The following UPF3B variants were observed in gnomAD, a reference collection of about 807,000 sequenced individuals.
The protein encoded by UPF3B is regulator of nonsense transcripts 3B.
A neutral mutation model predicts 40.3 loss-of-function variants in UPF3B; 7 were observed. The observed-to-expected ratio is 0.17, with a 90% confidence interval of 0.10 to 0.33. The LOEUF (loss-of-function observed/expected upper bound fraction) is 0.33. Among genes scored for constraint, UPF3B ranks in the 10% least tolerant of loss-of-function variants. The probability of loss-of-function intolerance (pLI) is 1.00; values close to 1 mark genes in which losing one functional copy is unlikely to be tolerated. For synonymous variants in UPF3B, 117 were observed against 117.3 expected, an observed-to-expected ratio of 1.00 and a Z score of 0.01; for missense variants, 229 against 358.9, an observed-to-expected ratio of 0.64 and a Z score of 2.93.
At chrX:119,848,819 G>A (rs2056266309) in intron 3 of UPF3B, among the ~76,000 whole-genome samples, 1 of 111,603 alleles carries the variant, frequency 9.0e-6, no homozygotes, top group African/African-American at 3.3e-5. Context: ...AGGGGCTGGA[G>A]GGAGAGAATG....
At chrX:119,807,283 T>G (rs1220804841) in intron 6 of UPF3B, among the ~76,000 whole-genome samples, 2 of 111,685 alleles carry the variant, frequency 1.8e-5, no homozygotes, top group African/African-American at 6.5e-5. Context: ...GATTCCTGCT[T>G]TGACACAAGA....
chrX:119,847,515 C>T (rs1056483966), intron 3 of UPF3B, among the ~76,000 whole-genome samples: 5 of 111,232 alleles, frequency 4.5e-5, no homozygotes, highest in African/African-American at 1.3e-4. Flanking sequence ...CCTGTAACCT[C>T]AGCACTTTGA....
At chrX:119,818,690 C>G (rs1470957303) in intron 4 of UPF3B, among the ~76,000 whole-genome samples, 1 of 112,296 alleles carries the variant, frequency 8.9e-6, no homozygotes, top group Admixed American at 9.5e-5. Context: ...GGTGCCAAAA[C>G]CAGATCAGCT....
intron 3 of UPF3B, among the ~76,000 whole-genome samples, chrX:119,826,506 A>G (rs959320780): frequency 9.0e-6 from 1 of 111,373 alleles, no homozygotes; most frequent in Non-Finnish European, 1.9e-5. Flanking sequence ...TAAACAGCAG[A>G]AACAACAGCC....
intron 3 of UPF3B, among the ~76,000 whole-genome samples, chrX:119,826,720 A>G (rs768150488): frequency 8.9e-6 from 1 of 112,396 alleles, no homozygotes; most frequent in Non-Finnish European, 1.9e-5. Context: ...TGTCAAAAAC[A>G]GCAATGACTT....
At chrX:119,852,690 AAGGGGGCAGCC>A (rs1163320301) in intron 1 of UPF3B, 72 bp downstream of exon 1, 9 of 1,177,769 alleles carry the variant, frequency 7.6e-6, no homozygotes, top group Non-Finnish European at 1.0e-5. Flanking sequence ...CTGAGAAAGA[AAGGGGGCAGCC>A]CCATTCCCAG....
intron 3 of UPF3B, among the ~76,000 whole-genome samples, chrX:119,847,825 G>A (rs897862596): frequency 1.1e-4 from 12 of 110,591 alleles, no homozygotes; most frequent in African/African-American, 3.3e-4. Flanking sequence ...TCCATTTCTC[G>A]GTATATATCC....
chrX:119,850,070 G>GA (rs67851247), intron 3 of UPF3B, among the ~76,000 whole-genome samples: 2 of 105,863 alleles, frequency 1.9e-5, no homozygotes, highest in Non-Finnish European at 3.9e-5. Flanking sequence ...TGGGGGGGGG[G>GA]AAATCACTTG....
chrX:119,838,264 C>T, intron 9 of UPF3B, 103 bp downstream of exon 9: 1 of 984,138 alleles, frequency 1.0e-6, no homozygotes, highest in Admixed American at 2.3e-5. Context: ...CATCCCCCTG[C>T]CCTGCATAAA....
At chrX:119,814,176 T>A (rs766635134) in intron 5 of UPF3B, among the ~76,000 whole-genome samples, 1 of 111,838 alleles carries the variant, frequency 8.9e-6, no homozygotes, top group Non-Finnish European at 1.9e-5. Context: ...AGTTGCTATT[T>A]AACAGGAATA....
intron 5 of UPF3B, among the ~76,000 whole-genome samples, chrX:119,808,778 G>C (rs953359712): frequency 8.9e-6 from 1 of 111,845 alleles, no homozygotes; most frequent in Non-Finnish European, 1.9e-5. Flanking sequence ...TGGTGGTTCA[G>C]GAGAATGGCT....
chrX:119,817,569 A>C (rs1443649833), intron 4 of UPF3B, among the ~76,000 whole-genome samples: 1 of 112,092 alleles, frequency 8.9e-6, no homozygotes, highest in Non-Finnish European at 1.9e-5. Context: ...AATCATATCA[A>C]CAGTCATATG....
At chrX:119,843,137 G>T in intron 5 of UPF3B, 54 bp downstream of exon 5, 2 of 813,798 alleles carry the variant, frequency 2.5e-6, no homozygotes, top group South Asian at 2.0e-5. Context: ...GGAGGTAGGA[G>T]ACTTAGGTAC....
chrX:119,814,481 A>C (rs1786699171), intron 5 of UPF3B, among the ~76,000 whole-genome samples: 1 of 112,339 alleles, frequency 8.9e-6, no homozygotes, highest in South Asian at 3.7e-4. Flanking sequence ...TTGTACTACA[A>C]GGACATGCTT....
intron 6 of UPF3B, among the ~76,000 whole-genome samples, chrX:119,806,451 T>C (rs1193330710): frequency 9.3e-6 from 1 of 106,958 alleles, no homozygotes; most frequent in African/African-American, 3.4e-5. Flanking sequence ...ACCTGCACAA[T>C]GTGCACATGT....
chrX:119,807,439 C>T, intron 6 of UPF3B: 1 of 874,486 alleles, frequency 1.1e-6, no homozygotes, highest in Non-Finnish European at 1.5e-6. Context: ...CTTAACACTC[C>T]CTTCCTCCTT....
In UPF3B at chrX:119,837,532, C is replaced by T. The variant is rs777413309; in HGVS notation, c.1302+225G>A. ...TTGGGAGGCTGAAGCAGAAGAATGG[C>T]GTGAACCCAGGAGGCGGAGCTTGCA... is the stretch of plus-strand genomic sequence containing the variant. On this transcript the variant is annotated intron_variant, in intron 10 of 10. Transcript: ENST00000276201. 4.8e-5 allele frequency among the ~76,000 whole-genome samples: 5 copies of T among 104,647 alleles called. No homozygotes were observed. The East Asian group carries it at 9.2e-4, about 19-fold the overall frequency. The allele number at this position is 104,647 out of a possible 115,157, so 90.9% of individuals were successfully genotyped here.
At chrX:119,845,571 C>T (rs1386737442) in intron 3 of UPF3B, among the ~76,000 whole-genome samples, 2 of 111,531 alleles carry the variant, frequency 1.8e-5, no homozygotes, top group Non-Finnish European at 3.8e-5. Context: ...TGAAAAAGAC[C>T]CTACAAACTA....
intron 5 of UPF3B, among the ~76,000 whole-genome samples, chrX:119,811,664 C>T (rs772706595): frequency 1.1e-5 from 1 of 93,271 alleles, no homozygotes; most frequent in Admixed American, 1.1e-4. Flanking sequence ...AAAAAAAAAT[C>T]CCTCAGGCTG....
Sources: gnomAD v4.1 joint callset for allele counts (sites outside exome capture counted in the v4.1 genomes callset) on GRCh38, gnomAD v4.1.1 for gene constraint, MANE v1.5 for transcripts, NCBI Gene and HGNC (gene_info 2026-07-23, HGNC 2026-07-21) for gene names.